ZNF846: variants seen among roughly 807,000 people sequenced by gnomAD.
ZNF846 encodes the protein zinc finger protein 846, also known as zinc finger protein 420 pseudogene.
ZNF846 carries 15 observed loss-of-function variants against 16.0 expected under a neutral mutation model. The observed-to-expected ratio is 0.94, with a 90% CI of 0.63 to 1.45. The LOEUF (loss-of-function observed/expected upper bound fraction) is 1.45. Ranked by LOEUF, ZNF846 falls within the 40% of genes most tolerant of loss-of-function variation. ZNF846 has a pLI of 0.00. For synonymous variants in ZNF846, 229 were observed against 212.0 expected, an observed-to-expected ratio of 1.08 and a Z score of -0.70; for missense variants, 714 against 622.3, an observed-to-expected ratio of 1.15 and a Z score of -1.57.
At chr19:9,774,462 C>T (rs536688762) in intron 1 of ZNF846, 11 of 790,692 alleles carry the variant, frequency 1.4e-5, no homozygotes, top group African/African-American at 7.1e-5. Context: ...AGCAAGACTC[C>T]GTCTCAAAAA....
rs2045176577 is a variant in ZNF846 at position 9,758,779 on chromosome 19, A to G, written c.313-15T>C. ...TTGCTTCTCTCCTGTTGAGATATAA[A>G]AGATGAATAAAGAATTTCTCACATT... On this transcript the variant is annotated splice_polypyrimidine_tract_variant and intron_variant, in intron 5 of 5. Coordinates refer to ENST00000397902, the Ensembl canonical transcript of ZNF846. 2.0e-6 allele frequency: 3 copies of G among 1,516,252 alleles called. No homozygotes were observed. The highest frequency in any genetic ancestry group is 2.6e-6 in the Non-Finnish European group (3 of 1,132,970). 93.9% of individuals were successfully genotyped at this position (1,516,252 alleles called of 1,614,324 possible).
exon 6 of ZNF846, chr19:9,758,372 G>A: frequency 6.2e-7 from 1 of 1,612,986 alleles, no homozygotes; most frequent in Non-Finnish European, 8.5e-7. Flanking sequence ...AGGAATTACT[G>A]AAGGCTTTCC....
exon 6 of ZNF846, chr19:9,758,629 C>T: frequency 1.2e-6 from 2 of 1,613,120 alleles, no homozygotes; most frequent in Non-Finnish European, 1.7e-6. Context: ...TTTCTTAAGG[C>T]TTTTCCACTC....
downstream of ZNF846, among the ~76,000 whole-genome samples, chr19:9,753,593 T>G (rs775350292): frequency 6.6e-6 from 1 of 151,566 alleles, no homozygotes; most frequent in Non-Finnish European, 1.5e-5. Flanking sequence ...TCTCATAAAT[T>G]TTGGTATGCC....
intron 1 of ZNF846, among the ~76,000 whole-genome samples, chr19:9,783,544 A>AATATATATATATATAT (rs1555714919): frequency 1.6e-4 from 17 of 108,774 alleles, no homozygotes; most frequent in African/African-American, 4.8e-4. Flanking sequence ...AAAAAAAAAA[A>AATATATATATATATAT]ATATATATAT....
downstream of ZNF846, chr19:9,755,757 G>A (rs1247185020): frequency 1.1e-4 from 11 of 99,386 alleles, no homozygotes; most frequent in Admixed American, 1.6e-4. Flanking sequence ...CCGAGATCCC[G>A]CCACTGCACT....
At chr19:9,754,642 G>A (rs1272513703), downstream of ZNF846, among the ~76,000 whole-genome samples, 11 of 147,728 alleles carry the variant, frequency 7.4e-5, no homozygotes, top group Admixed American at 7.5e-4. Flanking sequence ...GCCAAATTAT[G>A]CCATTAGATT....
chr19:9,773,698 C>G (rs931071200), intron 1 of ZNF846, among the ~76,000 whole-genome samples: 2 of 151,986 alleles, frequency 1.3e-5, no homozygotes, highest in African/African-American at 4.8e-5. Context: ...AGGAGAATCA[C>G]TTGAACCCGG....
chr19:9,774,572 C>G (rs1439624242), intron 1 of ZNF846: 2 of 1,505,756 alleles, frequency 1.3e-6, no homozygotes, highest in African/African-American at 2.8e-5. Context: ...CCGTAACATC[C>G]AGGTTGATGA....
intron 1 of ZNF846, among the ~76,000 whole-genome samples, chr19:9,784,764 G>A (rs1466161243): frequency 6.6e-6 from 1 of 152,060 alleles, no homozygotes; most frequent in African/African-American, 2.4e-5. Flanking sequence ...TGTGTCCCTG[G>A]GTAACCGAGA....
exon 6 of ZNF846, chr19:9,757,923 A>C: frequency 1.2e-6 from 2 of 1,613,634 alleles, no homozygotes; most frequent in Non-Finnish European, 1.7e-6. Flanking sequence ...ATGTGTTCTC[A>C]TGTGTAAAAC....
At position 9,758,010 on chromosome 19, in the gene ZNF846, T is replaced by A. The variant is rs79195449; in HGVS notation, c.1067A>T (p.His356Leu). 7.0e-3 allele frequency: 11,222 copies of A among 1,613,556 alleles called. 57 individuals carry two copies. The highest frequency in any genetic ancestry group is 9.6e-3 in the Middle Eastern group (58 of 6,062). ...CTTCTCTCCACTGTGAATCCTTACA[T>A]GTTTTGTAAGGTATGAGGAATGAAT... The change falls in exon 6 of 6, where the codon CAT (histidine) becomes CTT (leucine). Residue 356 changes from histidine (H) to leucine (L), a missense_variant. His to Leu is a moderately conservative substitution (Grantham distance 99, BLOSUM62 -3). Coordinates refer to ENST00000397902, the Ensembl canonical transcript of ZNF846.
chr19:9,768,693 G>A (rs2145271900), upstream of ZNF846: 1 of 152,482 alleles, frequency 6.6e-6, no homozygotes, highest in South Asian at 2.1e-4. Flanking sequence ...CGCTGGCTGA[G>A]GTGAAAACCC....
chr19:9,757,819 T>A lies in ZNF846; in HGVS notation c.1258A>T (p.Lys420Ter), dbSNP rs1028084969. The change falls in exon 6 of 6, where the codon AAG becomes TAG. Residue 420 changes from lysine to a stop codon, truncating the protein, a stop_gained. Coordinates refer to ENST00000397902, the Ensembl canonical transcript of ZNF846. LOFTEE classifies it low-confidence loss of function (END_TRUNC). ...CCACATTCTTTGCATTCATATGGCT[T>A]CTCTCCAGTGTGAATCCTTACATGT... 9 of 1,613,484 alleles carry A rather than the reference T, an allele frequency of 5.6e-6. No individual in the cohort carries two copies. Among genetic ancestry groups the A allele is most frequent in the Non-Finnish European group, 7.6e-6 (9 of 1,180,002 alleles).
chr19:9,779,641 G>A (rs1447944449), intron 1 of ZNF846, among the ~76,000 whole-genome samples: 1 of 151,044 alleles, frequency 6.6e-6, no homozygotes, highest in Non-Finnish European at 1.5e-5. Context: ...CGTGATCTCA[G>A]CTCACTGCAG....
At chr19:9,755,752 A>T (rs1247927156), downstream of ZNF846, 1 of 111,344 alleles carries the variant, frequency 9.0e-6, no homozygotes, top group African/African-American at 3.5e-5. Flanking sequence ...GTGAGCCGAG[A>T]TCCCGCCACT....
chr19:9,779,802 C>T (rs2045482475), intron 1 of ZNF846, among the ~76,000 whole-genome samples: 3 of 151,806 alleles, frequency 2.0e-5, no homozygotes, highest in African/African-American at 7.3e-5. Flanking sequence ...GAACTCCTGA[C>T]CTTCAGGTGA....
At chr19:9,750,342 T>C (rs986813479), downstream of ZNF846, among the ~76,000 whole-genome samples, 6 of 152,162 alleles carry the variant, frequency 3.9e-5, no homozygotes, top group African/African-American at 1.4e-4. Flanking sequence ...ATGTGCTTTC[T>C]TATACACCAT....
chr19:9,757,162 T>C (rs1442997166), downstream of ZNF846, among the ~76,000 whole-genome samples: 9 of 149,868 alleles, frequency 6.0e-5, no homozygotes, highest in Non-Finnish European at 1.2e-4. Context: ...GCCACTGTAC[T>C]CCAGCCTGGG....
Sources: gnomAD v4.1 joint callset for allele counts (sites outside exome capture counted in the v4.1 genomes callset) on GRCh38, gnomAD v4.1.1 for gene constraint, MANE v1.5 for transcripts, NCBI Gene and HGNC (gene_info 2026-07-23, HGNC 2026-07-21) for gene names.